CPQ: variants seen among roughly 807,000 people sequenced by gnomAD.
The protein encoded by CPQ is Ser-Met dipeptidase.
In CPQ, 37 loss-of-function variants were observed where a neutral mutation model predicts 45.7. That is an observed-to-expected ratio of 0.81 (90% confidence interval 0.62 to 1.07). CPQ has a LOEUF of 1.07. Among genes scored for constraint, CPQ ranks in the 50% least tolerant of loss-of-function variants. The pLI is 0.00. For synonymous variants in CPQ, 186 were observed against 205.8 expected (o/e 0.90, Z 0.82); for missense variants, 537 against 572.9 (o/e 0.94, Z 0.64).
intron 5 of CPQ, among the ~76,000 whole-genome samples, chr8:96,968,211 C>T (rs949042509): frequency 6.6e-6 from 1 of 152,116 alleles, no homozygotes; most frequent in African/African-American, 2.4e-5. Context: ...ATGATAGAAA[C>T]CCAGTGACCC....
chr8:96,749,671 C>T lies in CPQ; in HGVS notation c.-34-35193C>T, dbSNP rs575681470. On this transcript the variant is annotated intron_variant, in intron 1 of 7. Coordinates refer to ENST00000220763, the MANE Select transcript of CPQ (RefSeq NM_016134.4). ...AAAGAATTTGAGAATAAGCGAAATTCAAGGACACAGTAGTCAAGAAAGTGT... is the reference window on the plus strand; with the variant it reads ...AAAGAATTTGAGAATAAGCGAAATTTAAGGACACAGTAGTCAAGAAAGTGT... Among the ~76,000 whole-genome samples the T allele has an allele frequency of 5.9e-5, 9 of 152,228 alleles. 2 individuals are homozygous for T. The highest frequency in any genetic ancestry group is 2.2e-4 in the African/African-American group (9 of 41,546).
intron 4 of CPQ, among the ~76,000 whole-genome samples, chr8:96,881,919 A>G (rs1433707701): frequency 6.6e-6 from 1 of 152,178 alleles, no homozygotes; most frequent in Non-Finnish European, 1.5e-5. Flanking sequence ...TGCAAATCTC[A>G]TGCATTTGTT....
At chr8:96,812,549 T>C (rs1049382282) in intron 2 of CPQ, among the ~76,000 whole-genome samples, 3 of 152,152 alleles carry the variant, frequency 2.0e-5, no homozygotes, top group African/African-American at 7.2e-5. Context: ...GGAAGTAGGA[T>C]CTCTGTTCTT....
chr8:97,056,669 C>A (rs1171273637), intron 6 of CPQ: 1 of 152,158 alleles, frequency 6.6e-6, no homozygotes, highest in Non-Finnish European at 1.5e-5. Flanking sequence ...TTATATTTAT[C>A]CTTTTAGAGA....
intron 5 of CPQ, among the ~76,000 whole-genome samples, chr8:96,979,050 T>TA (rs33942399): frequency 0.28 from 39,965 of 141,942 alleles, 5,386 homozygotes; most frequent in South Asian, 0.37. Context: ...TAGGAAGTGG[T>TA]AAAAAAAAAA....
chr8:97,056,645 T>C (rs1423778946), intron 6 of CPQ: 1 of 152,244 alleles, frequency 6.6e-6, no homozygotes, highest in East Asian at 1.9e-4. Flanking sequence ...AGTGAGATAC[T>C]CTACAGAACA....
chr8:96,771,874 G>A (rs1586394210), intron 1 of CPQ, among the ~76,000 whole-genome samples: 1 of 151,896 alleles, frequency 6.6e-6, no homozygotes, highest in African/African-American at 2.4e-5. Flanking sequence ...TACATTTTTA[G>A]CAGGCATGAG....
chr8:97,075,359 G>T (rs999936940), intron 7 of CPQ, among the ~76,000 whole-genome samples: 4 of 151,998 alleles, frequency 2.6e-5, no homozygotes, highest in Non-Finnish European at 5.9e-5. Flanking sequence ...TTATCCATAG[G>T]ACTTTCCATC....
chr8:96,726,882 G>A (rs562548239), intron 1 of CPQ, among the ~76,000 whole-genome samples: 12 of 151,074 alleles, frequency 7.9e-5, no homozygotes, highest in Non-Finnish European at 1.6e-4. Context: ...CACACCAGAT[G>A]TGACCTCTTG....
chr8:96,920,969 C>T (rs1168761938), intron 4 of CPQ, among the ~76,000 whole-genome samples: 3 of 152,130 alleles, frequency 2.0e-5, no homozygotes, highest in Non-Finnish European at 4.4e-5. Context: ...CATTGAGGAG[C>T]AAAATTTAGA....
intron 4 of CPQ, among the ~76,000 whole-genome samples, chr8:96,897,733 C>T (rs1298449215): frequency 6.6e-6 from 1 of 152,058 alleles, no homozygotes; most frequent in Non-Finnish European, 1.5e-5. Context: ...TTCCAAAATC[C>T]AAACATTTCT....
chr8:97,073,068 C>G (rs555686705), intron 7 of CPQ, among the ~76,000 whole-genome samples: 61 of 152,254 alleles, frequency 4.0e-4, no homozygotes, highest in African/African-American at 1.4e-3. Context: ...TTGAGCTGTC[C>G]TCTTTCATTG....
At chr8:96,833,110 G>A (rs575298875) in intron 2 of CPQ, among the ~76,000 whole-genome samples, 1 of 152,158 alleles carries the variant, frequency 6.6e-6, no homozygotes, top group African/African-American at 2.4e-5. Context: ...GATTACATAT[G>A]GGGGATAAAG....
rs547440814 is a variant in CPQ at position 96,753,386 on chromosome 8, C to T, written c.-34-31478C>T. ...TAAACAGTTGAACTATTTTCACACA[C>T]AATATTTGCCAAATGCAATGCTTGA... On this transcript the variant is annotated intron_variant, in intron 1 of 7. Coordinates refer to ENST00000220763, the MANE Select transcript of CPQ (RefSeq NM_016134.4). Among the ~76,000 whole-genome samples the T allele has an allele frequency of 2.6e-5, 4 of 152,160 alleles. 1 individual carries two copies. In the South Asian group the frequency reaches 6.2e-4, roughly 24 times the overall value.
At chr8:96,840,000 C>CAG (rs10629451) in intron 3 of CPQ, among the ~76,000 whole-genome samples, 117,670 of 151,854 alleles carry the variant, frequency 0.77, 45,862 homozygotes, top group East Asian at 0.94. Context: ...GATTCAAACT[C>CAG]AGTCTCTGGC....
intron 1 of CPQ, among the ~76,000 whole-genome samples, chr8:96,718,528 A>G (rs1392098035): frequency 2.0e-5 from 3 of 152,178 alleles, no homozygotes; most frequent in African/African-American, 7.2e-5. Flanking sequence ...GGTGAGTGTT[A>G]CAGCTCATAA....
intron 1 of CPQ, chr8:96,761,626 G>A (rs980604301): frequency 6.6e-6 from 1 of 152,152 alleles, no homozygotes; most frequent in Non-Finnish European, 1.5e-5. Flanking sequence ...TACCAATCAA[G>A]GTTCTGTCCC....
At chr8:96,935,125 C>T (rs965199888) in intron 4 of CPQ, among the ~76,000 whole-genome samples, 2 of 152,108 alleles carry the variant, frequency 1.3e-5, no homozygotes, top group Non-Finnish European at 2.9e-5. Flanking sequence ...AGGTGTTTGC[C>T]TCTCCTTCAC....
chr8:96,980,185 T>G (rs1363288740), intron 5 of CPQ, among the ~76,000 whole-genome samples: 4 of 152,144 alleles, frequency 2.6e-5, no homozygotes, highest in African/African-American at 9.7e-5. Flanking sequence ...CAGGCTGGAG[T>G]GCAGTGGCAC....
Sources: gnomAD v4.1 joint callset for allele counts (sites outside exome capture counted in the v4.1 genomes callset) on GRCh38, gnomAD v4.1.1 for gene constraint, MANE v1.5 for transcripts, NCBI Gene and HGNC (gene_info 2026-07-23, HGNC 2026-07-21) for gene names.